Variants in FBXL17 observed in about 807,000 individuals in gnomAD.
FBXL17 encodes the protein F-box/LRR-repeat protein 17.
In FBXL17, 22 loss-of-function variants were observed where a neutral mutation model predicts 66.2. The observed-to-expected ratio is 0.33, with a 90% CI of 0.24 to 0.47. The LOEUF (loss-of-function observed/expected upper bound fraction) is 0.47. Ranked by LOEUF, FBXL17 falls within the 20% of genes least tolerant of loss-of-function variation. The pLI is 1.00. For synonymous variants in FBXL17, 474 were observed against 400.5 expected (o/e 1.18, Z -2.19); for missense variants, 878 against 948.2 (o/e 0.93, Z 0.97).
intron 6 of FBXL17, among the ~76,000 whole-genome samples, chr5:108,159,144 C>T (rs1039063436): frequency 6.6e-6 from 1 of 152,108 alleles, no homozygotes; most frequent in Non-Finnish European, 1.5e-5. Context: ...CAGACAGTTA[C>T]TCTAAACAGA....
chr5:107,977,409 C>A (rs1752623090), intron 7 of FBXL17, among the ~76,000 whole-genome samples: 1 of 152,118 alleles, frequency 6.6e-6, no homozygotes, highest in African/African-American at 2.4e-5. Context: ...AACAATCTTG[C>A]AAGGTTGGTA....
rs1748915631 is a variant in FBXL17 at position 107,884,970 on chromosome 5, T to A, written c.1823-3791A>T. Reference sequence around the variant, plus strand: ...AAAAACTCTGGGCAAATGATAGCATTATATAAATACTTAGTCATTATGTCA... The same window carrying A: ...AAAAACTCTGGGCAAATGATAGCATAATATAAATACTTAGTCATTATGTCA... On this transcript the variant is annotated intron_variant, in intron 7 of 8. Transcript: ENST00000542267. 3.3e-5 allele frequency among the ~76,000 whole-genome samples: 5 copies of A among 152,326 alleles called. No homozygotes were observed. The South Asian group carries it at 1.0e-3, about 32-fold the overall frequency.
At chr5:107,930,528 T>A (rs902212873) in intron 7 of FBXL17, among the ~76,000 whole-genome samples, 1 of 152,256 alleles carries the variant, frequency 6.6e-6, no homozygotes, top group Non-Finnish European at 1.5e-5. Context: ...GGTTCAAGTT[T>A]TCATGAACTG....
rs146193338 is a variant in FBXL17 at position 108,019,465 on chromosome 5, T to A, written c.1822+1460A>T. Among the ~76,000 whole-genome samples the A allele has an allele frequency of 2.1e-3, 320 of 152,190 alleles. 2 individuals carry two copies. Among genetic ancestry groups the A allele is most frequent in the African/African-American group, 7.1e-3 (297 of 41,564 alleles). ...CACTGCAGAATCTCAGAAGAGTTCA[T>A]TATAAGGGATTTACTATCCATAACT... On this transcript the variant is annotated intron_variant, in intron 7 of 8. Transcript: ENST00000542267.
At chr5:108,027,247 C>CA (rs1409025341) in intron 6 of FBXL17, among the ~76,000 whole-genome samples, 1 of 152,034 alleles carries the variant, frequency 6.6e-6, no homozygotes, top group African/African-American at 2.4e-5. Flanking sequence ...TTAAAATGCA[C>CA]ATTTTCTTTA....
intron 7 of FBXL17, among the ~76,000 whole-genome samples, chr5:107,897,435 A>G (rs1190525696): frequency 6.6e-6 from 1 of 152,140 alleles, no homozygotes; most frequent in Non-Finnish European, 1.5e-5. Flanking sequence ...GTACAGCAAG[A>G]AAGCCTGGAT....
chr5:107,965,462 A>G (rs1296753571), intron 7 of FBXL17, among the ~76,000 whole-genome samples: 1 of 152,144 alleles, frequency 6.6e-6, no homozygotes, highest in Non-Finnish European at 1.5e-5. Flanking sequence ...ATTTATAAAA[A>G]TGAATTAAAA....
At chr5:108,015,957 A>T (rs1414951373) in intron 7 of FBXL17, among the ~76,000 whole-genome samples, 11 of 152,124 alleles carry the variant, frequency 7.2e-5, no homozygotes, top group Non-Finnish European at 1.5e-5. Flanking sequence ...TGTCCTCTGG[A>T]TCCTACCAGC....
intron 6 of FBXL17, among the ~76,000 whole-genome samples, chr5:108,153,559 T>C (rs528719948): frequency 6.6e-6 from 1 of 152,134 alleles, no homozygotes; most frequent in African/African-American, 2.4e-5. Context: ...TAAGATAAAG[T>C]TTTATTGTAG....
intron 5 of FBXL17, among the ~76,000 whole-genome samples, chr5:108,223,541 T>G (rs1044774088): frequency 2.0e-5 from 3 of 152,166 alleles, no homozygotes; most frequent in Non-Finnish European, 4.4e-5. Context: ...TTTTAATTAT[T>G]TTAAAGCTCT....
intron 5 of FBXL17, among the ~76,000 whole-genome samples, chr5:108,193,003 C>G (rs1181490288): frequency 6.6e-6 from 1 of 152,140 alleles, no homozygotes; most frequent in Non-Finnish European, 1.5e-5. Flanking sequence ...TTAAGTGACA[C>G]AAGTTGGAAG....
At chr5:107,977,884 G>A (rs191327969) in intron 7 of FBXL17, among the ~76,000 whole-genome samples, 31 of 152,338 alleles carry the variant, frequency 2.0e-4, no homozygotes, top group Non-Finnish European at 4.0e-4. Flanking sequence ...AGGATGGGAA[G>A]TGAAAGGCAG....
intron 6 of FBXL17, among the ~76,000 whole-genome samples, chr5:108,116,022 T>G (rs147563507): frequency 1.2e-4 from 19 of 152,222 alleles, no homozygotes; most frequent in Admixed American, 1.0e-3. Context: ...TTTTACTGAA[T>G]AAGTCATGGC....
chr5:108,005,837 G>C (rs1237700452), intron 7 of FBXL17, among the ~76,000 whole-genome samples: 2 of 152,174 alleles, frequency 1.3e-5, no homozygotes, highest in Non-Finnish European at 1.5e-5. Flanking sequence ...TTAGGTGGTG[G>C]GGGCTTGAAG....
At chr5:108,150,173 C>G (rs1751714788) in intron 6 of FBXL17, among the ~76,000 whole-genome samples, 1 of 152,190 alleles carries the variant, frequency 6.6e-6, no homozygotes, top group Non-Finnish European at 1.5e-5. Context: ...AGTACTAGGA[C>G]AGTCTCCTAT....
intron 6 of FBXL17, among the ~76,000 whole-genome samples, chr5:108,177,432 A>C (rs1222435986): frequency 6.6e-6 from 1 of 152,222 alleles, no homozygotes; most frequent in Non-Finnish European, 1.5e-5. Context: ...CAAAGGTACC[A>C]TTCTAACCAT....
At chr5:107,911,777 G>T (rs1308744352) in intron 7 of FBXL17, among the ~76,000 whole-genome samples, 1 of 152,000 alleles carries the variant, frequency 6.6e-6, no homozygotes, top group Non-Finnish European at 1.5e-5. Context: ...CAGAATAAGA[G>T]AAAATATTTG....
chr5:108,254,193 T>C (rs1002761895), intron 4 of FBXL17, among the ~76,000 whole-genome samples: 2 of 152,172 alleles, frequency 1.3e-5, no homozygotes, highest in Non-Finnish European at 2.9e-5. Context: ...TACTGGTAAA[T>C]GAGATAATTA....
At chr5:108,339,630 A>G (rs1746747394) in intron 4 of FBXL17, among the ~76,000 whole-genome samples, 1 of 152,144 alleles carries the variant, frequency 6.6e-6, no homozygotes, top group African/African-American at 2.4e-5. Flanking sequence ...GGAAAAAAGC[A>G]CTAGCCAAGG....
Sources: gnomAD v4.1 joint callset for allele counts (sites outside exome capture counted in the v4.1 genomes callset) on GRCh38, gnomAD v4.1.1 for gene constraint, MANE v1.5 for transcripts, NCBI Gene and HGNC (gene_info 2026-07-23, HGNC 2026-07-21) for gene names.